The following EXOSC10 variants were observed in gnomAD, a reference collection of about 807,000 sequenced individuals.
The protein encoded by EXOSC10 is exosome component 10.
A neutral mutation model predicts 126.6 loss-of-function variants in EXOSC10; 94 were observed. The ratio of observed to expected loss-of-function variants is 0.74; its 90% confidence interval spans 0.63 to 0.88. The LOEUF is 0.88. Ranked by LOEUF, EXOSC10 falls within the 40% of genes least tolerant of loss-of-function variation. The probability of loss-of-function intolerance (pLI) is 0.00; values close to 1 mark genes in which losing one functional copy is unlikely to be tolerated. For missense variants in EXOSC10, 1,041 were observed against 1,100.5 expected, an observed-to-expected ratio of 0.95 and a Z score of 0.77; for synonymous variants, 395 against 400.8, an observed-to-expected ratio of 0.99 and a Z score of 0.17.
Position 11,081,157 on chromosome 1 carries a change from C to T in EXOSC10, c.1362G>A (p.Glu454=). The change falls in exon 11 of 25, where the codon GAG becomes GAA. Residue 454 remains glutamate, a synonymous_variant. Coordinates refer to ENST00000376936, the MANE Select transcript of EXOSC10 (RefSeq NM_001001998.3). ...GCTGCCCGTTGCCGCGCTCCCACAT[C>T]TCCAGCCTCATTTTGTCATAGATAT... ...LLYIYDKMRL[E]MWERGNGQPV... 1 of 1,614,218 alleles carries T rather than the reference C, an allele frequency of 6.2e-7. No individual in the cohort carries two copies. Among genetic ancestry groups the T allele is most frequent in the Non-Finnish European group, 8.5e-7 (1 of 1,180,022 alleles).
chr1:11,073,222 C>T (rs1485277121), intron 19 of EXOSC10: 2 of 152,158 alleles, frequency 1.3e-5, no homozygotes, highest in African/African-American at 2.4e-5. Context: ...AAGCTCCGCC[C>T]CCCAGGTTCA....
rs776162299 is a variant in EXOSC10, at chr1:11,072,156, T to C, written c.2173A>G (p.Lys725Glu). 1.9e-6 allele frequency: 3 copies of C among 1,613,028 alleles called. No individual in the cohort carries two copies. The highest frequency in any genetic ancestry group is 8.5e-7 in the Non-Finnish European group (1 of 1,179,498). The change falls in exon 20 of 25, where the codon AAG (lysine) becomes GAG (glutamate). Residue 725 changes from lysine to glutamate, a missense_variant. This residue lies in a region of EXOSC10 where 388 missense variants were observed against 415.2 expected (regional missense o/e 0.93). Coordinates refer to ENST00000376936, the MANE Select transcript of EXOSC10 (RefSeq NM_001001998.3). ...TKIYEISNRW[K>E]LAQVQVQKDS... ...TTTTGTACTTGTACCTGGGCCAGCTTCCAGCGGTTGCTGATCTATAATGAA... is the reference window on the plus strand; with the variant it reads ...TTTTGTACTTGTACCTGGGCCAGCTCCCAGCGGTTGCTGATCTATAATGAA...
chr1:11,082,679 C>A lies in EXOSC10; in HGVS notation c.1280+9G>T. ...GCCACCCACATTTCCTCAGTAAGAG[C>A]AAACTGACCGTATTCTCCAATCAGC... On this transcript the variant is annotated intron_variant, in intron 10 of 24. Coordinates refer to ENST00000376936, the MANE Select transcript of EXOSC10 (RefSeq NM_001001998.3). The A allele has an allele frequency of 6.2e-7, 1 of 1,613,888 alleles. No homozygotes were observed. The highest frequency in any genetic ancestry group is 8.5e-7 in the Non-Finnish European group (1 of 1,179,786).
chr1:11,099,858 C>G lies in EXOSC10; in HGVS notation c.-27G>C, dbSNP rs759469352. On this transcript the variant is annotated 5_prime_UTR_variant, in exon 1 of 25. Transcript: ENST00000376936. ...TTTTCAGCCTGCACGGCTCGTCTCG[C>G]GAGAGCTTGTCGGCCGAGGAGACGG... is the stretch of plus-strand genomic sequence containing the variant. The G allele has an allele frequency of 1.9e-6, 3 of 1,575,474 alleles. No homozygotes were observed. The highest frequency in any genetic ancestry group is 2.6e-6 in the Non-Finnish European group (3 of 1,160,260).
intron 19 of EXOSC10, chr1:11,072,461 A>G: frequency 3.3e-6 from 1 of 300,204 alleles, no homozygotes; most frequent in South Asian, 4.1e-5. Context: ...CTCTTTAGAG[A>G]TGAGCAAACA....
At chr1:11,076,163 C>T (rs1414978255) in intron 17 of EXOSC10, among the ~76,000 whole-genome samples, 1 of 151,724 alleles carries the variant, frequency 6.6e-6, no homozygotes, top group Non-Finnish European at 1.5e-5. Context: ...GAAACTCCAT[C>T]TCAAAAAACC....
intron 20 of EXOSC10, chr1:11,071,438 G>C (rs1444499856): frequency 5.8e-6 from 1 of 173,230 alleles, no homozygotes; most frequent in South Asian, 1.4e-4. Flanking sequence ...GACAGATCAA[G>C]GCTCTGACAG....
intron 10 of EXOSC10, 127 bp downstream of exon 10, chr1:11,082,561 C>A (rs1640228479): frequency 5.3e-6 from 8 of 1,510,672 alleles, no homozygotes; most frequent in Non-Finnish European, 7.1e-6. Flanking sequence ...AGATGCCTGG[C>A]GAAAAGCCTG....
At position 11,076,931 on chromosome 1, in the gene EXOSC10, TCTGAA is replaced by T; in HGVS notation, c.1892_1896del (p.Val631GlufsTer8). The T allele has an allele frequency of 1.2e-6, 2 of 1,613,784 alleles. No individual in the cohort carries two copies. The highest frequency in any genetic ancestry group is 1.7e-6 in the Non-Finnish European group (2 of 1,179,898). Reference sequence around the variant, plus strand: ...TCATCAGGGAAGAGGCTCGCCTGCTTCTGAACTGGCACAGATCCTAGAGGAGCAGA... The same window carrying T: ...TCATCAGGGAAGAGGCTCGCCTGCTTCTGGCACAGATCCTAGAGGAGCAGA... On this transcript the variant is annotated frameshift_variant, in exon 17 of 25. Coordinates refer to ENST00000376936, the MANE Select transcript of EXOSC10 (RefSeq NM_001001998.3). LOFTEE classifies it high-confidence loss of function.
chr1:11,072,477 C>A (rs558508151), intron 19 of EXOSC10: 23 of 269,124 alleles, frequency 8.5e-5, no homozygotes, highest in African/African-American at 4.2e-4. Flanking sequence ...AAACAGACTC[C>A]GGGAGAGTAA....
At chr1:11,084,964 T>C (rs1404137325) in intron 9 of EXOSC10, among the ~76,000 whole-genome samples, 1 of 152,210 alleles carries the variant, frequency 6.6e-6, no homozygotes, top group Non-Finnish European at 1.5e-5. Flanking sequence ...TTCTGAGGGC[T>C]CTGTTCTGTT....
At chr1:11,074,356 A>ATG (rs760442650) in intron 17 of EXOSC10, 30 bp from the exon 18 acceptor site, 27 of 1,466,010 alleles carry the variant, frequency 1.8e-5, no homozygotes, top group Non-Finnish European at 2.5e-5. Context: ...ACGATCACTA[A>ATG]TGACCATGAT....
At chr1:11,078,811 A>G (rs942280539) in intron 14 of EXOSC10, among the ~76,000 whole-genome samples, 7 of 152,148 alleles carry the variant, frequency 4.6e-5, no homozygotes, top group Non-Finnish European at 8.8e-5. Context: ...CTGCCTTAGA[A>G]CAGTGAATTG....
At chr1:11,089,484 G>T (rs1024826494) in intron 6 of EXOSC10, among the ~76,000 whole-genome samples, 1 of 151,148 alleles carries the variant, frequency 6.6e-6, no homozygotes, top group Non-Finnish European at 1.5e-5. Flanking sequence ...CAGGTGTGGT[G>T]GCACATGCCT....
At chr1:11,067,748 G>T (rs938083599) in intron 24 of EXOSC10, among the ~76,000 whole-genome samples, 1 of 152,240 alleles carries the variant, frequency 6.6e-6, no homozygotes, top group African/African-American at 2.4e-5. Context: ...CAGGACACAC[G>T]GTAACTAGAG....
chr1:11,097,535 G>C (rs145217004), intron 2 of EXOSC10, among the ~76,000 whole-genome samples: 1,924 of 152,184 alleles, frequency 0.013, 25 homozygotes, highest in Non-Finnish European at 0.018. Context: ...GACCATCCTG[G>C]CTAACATGTT....
chr1:11,095,084 T>C (rs1180218718), intron 3 of EXOSC10, among the ~76,000 whole-genome samples: 1 of 151,794 alleles, frequency 6.6e-6, no homozygotes, highest in Admixed American at 6.6e-5. Context: ...TAGTGGTGGG[T>C]GCCTGTAATC....
At chr1:11,079,918 C>A in intron 13 of EXOSC10, 96 bp from the exon 14 acceptor site, 1 of 998,752 alleles carries the variant, frequency 1.0e-6, no homozygotes, top group South Asian at 1.4e-5. Context: ...GCCAGGCTGC[C>A]ACCTAAGCTG....
chr1:11,093,096 C>A (rs1238805569), intron 3 of EXOSC10, among the ~76,000 whole-genome samples: 2 of 152,072 alleles, frequency 1.3e-5, no homozygotes, highest in Non-Finnish European at 2.9e-5. Flanking sequence ...AAAAATTTTA[C>A]AAAGTTGATC....
Sources: allele counts gnomAD v4.1 joint callset (sites outside exome capture counted in the v4.1 genomes callset), GRCh38; gene constraint gnomAD v4.1.1; regional missense constraint gnomAD v4.1.1; transcripts MANE v1.5; gene names NCBI Gene and HGNC (gene_info 2026-07-23, HGNC 2026-07-21).